The following MYO3B variants were observed in gnomAD, a reference collection of about 807,000 sequenced individuals.
MYO3B encodes the protein myosin IIIB.
A neutral mutation model predicts 174.6 loss-of-function variants in MYO3B; 156 were observed. The observed-to-expected ratio is 0.89, with a 90% CI of 0.78 to 1.02. The LOEUF is 1.02. Among genes scored for constraint, MYO3B ranks in the 50% least tolerant of loss-of-function variants. MYO3B has a pLI of 0.00. For missense variants in MYO3B, 1,632 were observed against 1,639.4 expected, an observed-to-expected ratio of 1.00 and a Z score of 0.08; for synonymous variants, 563 against 569.1, an observed-to-expected ratio of 0.99 and a Z score of 0.15.
At chr2:170,323,607 G>A (rs1450630844) in intron 7 of MYO3B, among the ~76,000 whole-genome samples, 4 of 152,096 alleles carry the variant, frequency 2.6e-5, no homozygotes, top group Admixed American at 6.6e-5. Context: ...TTTGAAGCTC[G>A]GCCGCACCAT....
chr2:170,206,301 GC>G lies in MYO3B; in HGVS notation c.321+6020del, dbSNP rs1480887779. ...AGTTTTCCTAGACTGTCCCCTCTTT[GC>G]CCTCCCTCAGCAGAGTTCACCCTTC... On this transcript the variant is annotated intron_variant, in intron 3 of 34. Transcript: ENST00000408978. The surrounding 1 kb of genome is among the most constrained non-coding windows in gnomAD (Gnocchi z 4.3). 2.0e-5 allele frequency among the ~76,000 whole-genome samples: 3 copies of G among 151,994 alleles called. No homozygotes were observed. Among genetic ancestry groups the G allele is most frequent in the Non-Finnish European group, 4.4e-5 (3 of 68,018 alleles).
At chr2:170,214,576 C>T (rs1482050026) in intron 4 of MYO3B, 93 bp downstream of exon 4, 21 of 1,371,502 alleles carry the variant, frequency 1.5e-5, no homozygotes, top group South Asian at 1.1e-4. Context: ...GGGAAACTGC[C>T]CTATGATATG....
chr2:170,236,235 G>T, intron 7 of MYO3B, 99 bp downstream of exon 7: 8 of 1,413,312 alleles, frequency 5.7e-6, no homozygotes, highest in East Asian at 2.5e-5. Flanking sequence ...CTCCAAACCT[G>T]ACAAAGCCTG....
At chr2:170,569,767 C>T (rs1269873990) in intron 32 of MYO3B, among the ~76,000 whole-genome samples, 1 of 149,076 alleles carries the variant, frequency 6.7e-6, no homozygotes, top group Non-Finnish European at 1.5e-5. Context: ...GAGGCTGAGA[C>T]AGGAGAATCA....
At chr2:170,310,665 CAAAAAAAAAA>C (rs746315736) in intron 7 of MYO3B, among the ~76,000 whole-genome samples, 2 of 61,458 alleles carry the variant, frequency 3.3e-5, no homozygotes, top group Non-Finnish European at 5.2e-5. Flanking sequence ...GACTCCATCT[CAAAAAAAAAA>C]AAAAAAAAAA....
chr2:170,410,593 A>G (rs201823347), intron 22 of MYO3B, among the ~76,000 whole-genome samples: 4 of 1,910 alleles, frequency 2.1e-3, no homozygotes, highest in African/African-American at 2.8e-3. Flanking sequence ...AAAAAAAAAG[A>G]AAAAAAAAAA....
Position 170,519,426 on chromosome 2 carries a change from C to T in MYO3B, c.3473-12C>T. The T allele has an allele frequency of 6.2e-7, 1 of 1,611,840 alleles. No individual in the cohort carries two copies. Among genetic ancestry groups the T allele is most frequent in the Non-Finnish European group, 8.5e-7 (1 of 1,178,348 alleles). On this transcript the variant is annotated splice_polypyrimidine_tract_variant and intron_variant, in intron 29 of 34. Transcript: ENST00000408978. ...CTGAACATATGCTTAGCCCTCCTTTCTTTTCTCTCAGTTCTCAGGGGCTCT... is the reference window on the plus strand; with the variant it reads ...CTGAACATATGCTTAGCCCTCCTTTTTTTTCTCTCAGTTCTCAGGGGCTCT...
chr2:170,415,426 A>C (rs1232329272), intron 22 of MYO3B, among the ~76,000 whole-genome samples: 2 of 152,166 alleles, frequency 1.3e-5, no homozygotes, highest in African/African-American at 2.4e-5. Context: ...TACATACTAC[A>C]TACATTTTAC....
chr2:170,477,874 C>G (rs946062961), intron 25 of MYO3B, among the ~76,000 whole-genome samples: 1 of 152,004 alleles, frequency 6.6e-6, no homozygotes, highest in Non-Finnish European at 1.5e-5. Context: ...TAAGCTGTTT[C>G]TAGCATTAGT....
intron 8 of MYO3B, among the ~76,000 whole-genome samples, chr2:170,356,446 T>G (rs567019590): frequency 2.0e-4 from 31 of 152,272 alleles, no homozygotes; most frequent in African/African-American, 7.5e-4. Flanking sequence ...CCCTGTAACC[T>G]CTGCTTCCTG....
rs1186656760 is a variant in MYO3B at position 170,365,437 on chromosome 2, T to C, written c.816-3785T>C. Among the ~76,000 whole-genome samples the C allele has an allele frequency of 5.3e-5, 8 of 152,314 alleles. 1 individual carries two copies. In the East Asian group the frequency reaches 9.6e-4, roughly 18 times the overall value. On this transcript the variant is annotated intron_variant, in intron 8 of 34. Coordinates refer to ENST00000408978, the MANE Select transcript of MYO3B (RefSeq NM_138995.5). ...GATCCTTGAGGAAAAGGGTCATAGC[T>C]TTTAATTAATTTATGTATTGTGGCT...
intron 32 of MYO3B, among the ~76,000 whole-genome samples, chr2:170,646,232 T>A (rs1434825424): frequency 6.7e-6 from 1 of 148,624 alleles, no homozygotes; most frequent in Non-Finnish European, 1.5e-5. Context: ...GATCACGCCA[T>A]CGCACTCCAG....
chr2:170,317,719 C>T (rs955164074), intron 7 of MYO3B, among the ~76,000 whole-genome samples: 2 of 152,130 alleles, frequency 1.3e-5, no homozygotes, highest in African/African-American at 2.4e-5. Context: ...TCCCATGAGG[C>T]AGCTTACTAT....
intron 7 of MYO3B, among the ~76,000 whole-genome samples, chr2:170,315,542 G>A (rs1425476105): frequency 6.6e-6 from 1 of 152,074 alleles, no homozygotes; most frequent in Non-Finnish European, 1.5e-5. Flanking sequence ...CTGACCTCAG[G>A]TGACCCGCCT....
At chr2:170,508,060 T>C (rs967123310) in intron 28 of MYO3B, among the ~76,000 whole-genome samples, 2 of 152,212 alleles carry the variant, frequency 1.3e-5, no homozygotes, top group Non-Finnish European at 2.9e-5. Context: ...GGAGGTCCAC[T>C]TGTGCCCAAT....
intron 6 of MYO3B, among the ~76,000 whole-genome samples, chr2:170,220,083 C>T (rs1013453573): frequency 2.0e-5 from 3 of 151,412 alleles, no homozygotes; most frequent in Non-Finnish European, 2.9e-5. Flanking sequence ...ACAGTGAAAC[C>T]CTGTCTCTAC....
chr2:170,298,678 CAAAAA>C (rs71399527), intron 7 of MYO3B, among the ~76,000 whole-genome samples: 1 of 63,334 alleles, frequency 1.6e-5, no homozygotes. Flanking sequence ...GACTCTGTCT[CAAAAA>C]AAAAAAAAAA....
chr2:170,446,220 G>A (rs1362704116), intron 23 of MYO3B, among the ~76,000 whole-genome samples: 2 of 152,204 alleles, frequency 1.3e-5, no homozygotes, highest in Non-Finnish European at 2.9e-5. Context: ...AGATAATGAA[G>A]ATGGATTGTC....
Position 170,214,841 on chromosome 2 carries a change from T to G in MYO3B, c.526+13T>G. 1 of 1,599,556 alleles carries G rather than the reference T, an allele frequency of 6.3e-7. No homozygotes were observed. Among genetic ancestry groups the G allele is most frequent in the Non-Finnish European group, 8.6e-7 (1 of 1,166,776 alleles). On this transcript the variant is annotated intron_variant, in intron 5 of 34. Coordinates refer to ENST00000408978, the MANE Select transcript of MYO3B (RefSeq NM_138995.5). ...CTCGTTGACTTTGGTAATGACTGCT[T>G]GTCGTTTGTTTTCTTGACGTGTGCA...
Sources: allele counts gnomAD v4.1 joint callset (sites outside exome capture counted in the v4.1 genomes callset), GRCh38; gene constraint gnomAD v4.1.1; non-coding constraint Gnocchi (gnomAD v3.1); transcripts MANE v1.5; gene names NCBI Gene and HGNC (gene_info 2026-07-23, HGNC 2026-07-21).